MRC1: variants seen among roughly 807,000 people sequenced by gnomAD.
MRC1 encodes the protein macrophage mannose receptor 1.
Under a neutral mutation model 102.9 loss-of-function variants are expected in MRC1, and 62 were observed. That is an observed-to-expected ratio of 0.60 (90% CI 0.49 to 0.74). MRC1 has a LOEUF of 0.74. Ranked by LOEUF, MRC1 falls within the 30% of genes least tolerant of loss-of-function variation. MRC1 has a pLI of 0.00. For missense variants in MRC1, 1,237 were observed against 862.8 expected (o/e 1.43, Z -5.43); for synonymous variants, 457 against 298.4 (o/e 1.53, Z -5.48).
At chr10:17,854,531 A>G (rs1833049223) in intron 8 of MRC1, among the ~76,000 whole-genome samples, 1 of 151,990 alleles carries the variant, frequency 6.6e-6, no homozygotes, top group African/African-American at 2.4e-5. Context: ...GTGGGTAGGA[A>G]CTGAGGTTCA....
At chr10:17,880,471 A>G (rs1035842011) in intron 19 of MRC1, 54 bp from the exon 20 acceptor site, 8 of 772,570 alleles carry the variant, frequency 1.0e-5, no homozygotes, top group Admixed American at 1.7e-5. Context: ...TTTTAAAATA[A>G]TGTTTTAAAA....
In MRC1 at chr10:17,856,289, C is replaced by G; in HGVS notation, c.1455C>G (p.Ile485Met). ...GCTGTGAGTGGCCTCTTGGCTACATCTGCAAGATGAAATCACGAAGCCAAG... is the reference window on the plus strand; with the variant it reads ...GCTGTGAGTGGCCTCTTGGCTACATGTGCAAGATGAAATCACGAAGCCAAG... ...DRGCEWPLGYICKMKSRSQGP... is the reference protein window; with the variant it reads ...DRGCEWPLGYMCKMKSRSQGP... Residue 485 changes from isoleucine to methionine, a missense_variant, in exon 9 of 30, where the codon ATC (isoleucine) becomes ATG (methionine). Coordinates refer to ENST00000569591, the MANE Select transcript of MRC1 (RefSeq NM_002438.4). 1 of 867,024 alleles carries G rather than the reference C, an allele frequency of 1.2e-6. No homozygotes were observed. The highest frequency in any genetic ancestry group is 2.0e-6 in the Non-Finnish European group (1 of 499,316). 53.7% of individuals were successfully genotyped at this position (867,024 alleles called of 1,614,324 possible).
At chr10:17,819,872 G>A (rs1838369888) in intron 1 of MRC1, among the ~76,000 whole-genome samples, 1 of 152,174 alleles carries the variant, frequency 6.6e-6, no homozygotes, top group African/African-American at 2.4e-5. Context: ...TTGAGCCTAG[G>A]AATTCAAGGC....
chr10:17,834,536 C>T (rs1405918422), intron 4 of MRC1, among the ~76,000 whole-genome samples: 3 of 152,138 alleles, frequency 2.0e-5, no homozygotes, highest in Non-Finnish European at 4.4e-5. Context: ...CCTCAGCCTC[C>T]CACGTAGCTG....
chr10:17,867,533 C>T (rs1833293936), intron 12 of MRC1, among the ~76,000 whole-genome samples: 1 of 151,970 alleles, frequency 6.6e-6, no homozygotes, highest in South Asian at 2.1e-4. Flanking sequence ...AGTGCTCCTC[C>T]CACCTAAGCC....
chr10:17,816,599 C>A (rs1005468189), intron 1 of MRC1, among the ~76,000 whole-genome samples: 1 of 152,182 alleles, frequency 6.6e-6, no homozygotes, highest in Non-Finnish European at 1.5e-5. Context: ...GCTCTGATAG[C>A]CAGAAAAAGC....
rs1176636895 is a variant in MRC1 at position 17,811,107 on chromosome 10, G to A, written c.61+1581G>A. On this transcript the variant is annotated intron_variant, in intron 1 of 29. Coordinates refer to ENST00000569591, the MANE Select transcript of MRC1 (RefSeq NM_002438.4). ...AGCGCCCAGCCCTGATATTATTAATGTATTTTATTTCACCCAGTAACTCGG... is the reference window on the plus strand; with the variant it reads ...AGCGCCCAGCCCTGATATTATTAATATATTTTATTTCACCCAGTAACTCGG... Among the ~76,000 whole-genome samples, 14 of 152,306 alleles carry A rather than the reference G, an allele frequency of 9.2e-5. No individual in the cohort carries two copies. The East Asian group carries it at 2.5e-3, about 27-fold the overall frequency.
chr10:17,811,026 C>T lies in MRC1; in HGVS notation c.61+1500C>T, dbSNP rs896030431. Among the ~76,000 whole-genome samples, 8 of 152,322 alleles carry T rather than the reference C, an allele frequency of 5.3e-5. No individual in the cohort carries two copies. The East Asian group carries it at 1.5e-3, about 29-fold the overall frequency. Reference sequence around the variant, plus strand: ...CAGGCTGGCCTCGAACTCCTGACCTCAAGTGATCTGCCCTCCTCAGCCTCC... The same window carrying T: ...CAGGCTGGCCTCGAACTCCTGACCTTAAGTGATCTGCCCTCCTCAGCCTCC... On this transcript the variant is annotated intron_variant, in intron 1 of 29. Coordinates refer to ENST00000569591, the MANE Select transcript of MRC1 (RefSeq NM_002438.4).
intron 18 of MRC1, 134 bp from the exon 19 acceptor site, chr10:17,879,587 T>A: frequency 1.3e-6 from 1 of 776,950 alleles, no homozygotes; most frequent in Non-Finnish European, 2.4e-6. Context: ...AGACTCGAAC[T>A]CCTGGCCTCA....
intron 23 of MRC1, among the ~76,000 whole-genome samples, chr10:17,896,375 C>T (rs1469080802): frequency 6.6e-6 from 1 of 152,180 alleles, no homozygotes; most frequent in Non-Finnish European, 1.5e-5. Flanking sequence ...CTCTATACTA[C>T]ACTCTATAGC....
chr10:17,898,560 C>A (rs1387674431), intron 24 of MRC1, among the ~76,000 whole-genome samples: 1 of 152,162 alleles, frequency 6.6e-6, no homozygotes, highest in African/African-American at 2.4e-5. Flanking sequence ...TTAATTTATT[C>A]GCTTATTGCT....
chr10:17,901,713 A>C (rs923642562), intron 25 of MRC1, among the ~76,000 whole-genome samples: 11 of 152,106 alleles, frequency 7.2e-5, no homozygotes, highest in Admixed American at 5.9e-4. Context: ...TTATCTTTGT[A>C]GGTATCTATA....
chr10:17,899,982 C>T (rs1472839287), intron 24 of MRC1, among the ~76,000 whole-genome samples: 1 of 151,178 alleles, frequency 6.6e-6, no homozygotes, highest in African/African-American at 2.4e-5. Flanking sequence ...GCCTTAATCC[C>T]AGCTACTTGG....
At chr10:17,874,208 C>A (rs894901400) in intron 16 of MRC1, among the ~76,000 whole-genome samples, 1 of 152,148 alleles carries the variant, frequency 6.6e-6, no homozygotes, top group Non-Finnish European at 1.5e-5. Flanking sequence ...GGCCAAAATC[C>A]AGATGTTGGC....
chr10:17,853,512 TAA>T (rs1833019059), intron 8 of MRC1, among the ~76,000 whole-genome samples: 1 of 151,986 alleles, frequency 6.6e-6, no homozygotes, highest in Non-Finnish European at 1.5e-5. Context: ...CATGTATATA[TAA>T]AAAGTTATTA....
At chr10:17,882,335 G>A (rs1833531917) in intron 21 of MRC1, among the ~76,000 whole-genome samples, 1 of 151,844 alleles carries the variant, frequency 6.6e-6, no homozygotes, top group African/African-American at 2.4e-5. Flanking sequence ...ATGAGTGATG[G>A]TCACAGGGAA....
At chr10:17,857,293 C>G (rs889468798) in intron 9 of MRC1, among the ~76,000 whole-genome samples, 1 of 152,208 alleles carries the variant, frequency 6.6e-6, no homozygotes, top group African/African-American at 2.4e-5. Context: ...GGGTAGAACC[C>G]AGGTCTCCTG....
chr10:17,892,996 G>C (rs1387575846), intron 22 of MRC1, among the ~76,000 whole-genome samples: 1 of 141,006 alleles, frequency 7.1e-6, no homozygotes, highest in Non-Finnish European at 1.5e-5. Flanking sequence ...GCGACAGAGC[G>C]AGACTCCATC....
At chr10:17,863,959 A>T (rs1360001924) in intron 11 of MRC1, among the ~76,000 whole-genome samples, 1 of 151,568 alleles carries the variant, frequency 6.6e-6, no homozygotes, top group East Asian at 1.9e-4. Context: ...AAACCTATTC[A>T]TGAAATTCTC....
Sources: allele counts gnomAD v4.1 joint callset (sites outside exome capture counted in the v4.1 genomes callset), GRCh38; gene constraint gnomAD v4.1.1; transcripts MANE v1.5; gene names NCBI Gene and HGNC (gene_info 2026-07-23, HGNC 2026-07-21).